The following CDK19 variants were observed in gnomAD, a reference collection of about 807,000 sequenced individuals.
CDK19 encodes the protein cyclin dependent kinase 19.
CDK19 carries 20 observed loss-of-function variants against 68.3 expected under a neutral mutation model. That is an observed-to-expected ratio of 0.29 (90% CI 0.21 to 0.43). The LOEUF (loss-of-function observed/expected upper bound fraction) is 0.43. Ranked by LOEUF, CDK19 falls within the 20% of genes least tolerant of loss-of-function variation. The pLI is 1.00. For missense variants in CDK19, 339 were observed against 623.5 expected, an observed-to-expected ratio of 0.54 and a Z score of 4.86; for synonymous variants, 221 against 222.8, an observed-to-expected ratio of 0.99 and a Z score of 0.07.
chr6:110,803,959 C>T (rs1408778679), intron 1 of CDK19, among the ~76,000 whole-genome samples: 1 of 151,986 alleles, frequency 6.6e-6, no homozygotes, highest in East Asian at 1.9e-4. Context: ...GAGCAAGACC[C>T]TGTCTCAAGA....
chr6:110,758,312 G>A (rs1778969331), intron 1 of CDK19, among the ~76,000 whole-genome samples: 1 of 152,176 alleles, frequency 6.6e-6, no homozygotes, highest in Non-Finnish European at 1.5e-5. Context: ...AAATGTAGAA[G>A]CAAGGTCAAA....
intron 4 of CDK19, among the ~76,000 whole-genome samples, chr6:110,640,997 A>G (rs78869980): frequency 0.028 from 4,264 of 152,140 alleles, 84 homozygotes; most frequent in South Asian, 0.083. Context: ...AGAAATGTGA[A>G]ATGCCTAAGT....
chr6:110,799,921 C>G (rs972618956), intron 1 of CDK19, among the ~76,000 whole-genome samples: 1 of 152,156 alleles, frequency 6.6e-6, no homozygotes, highest in Non-Finnish European at 1.5e-5. Context: ...TTTCAACACA[C>G]AGTTGATTGA....
intron 2 of CDK19, among the ~76,000 whole-genome samples, chr6:110,744,676 A>T (rs1343411111): frequency 6.6e-6 from 1 of 152,256 alleles, no homozygotes; most frequent in African/African-American, 2.4e-5. Context: ...GGAACTAGAG[A>T]TAAAAAGACA....
intron 2 of CDK19, among the ~76,000 whole-genome samples, chr6:110,739,790 C>A (rs1777514840): frequency 1.4e-5 from 2 of 147,234 alleles, no homozygotes; most frequent in Admixed American, 1.3e-4. Flanking sequence ...GCCACTATGC[C>A]CAGCTAATTA....
At chr6:110,663,824 C>A (rs2114382958) in intron 4 of CDK19, among the ~76,000 whole-genome samples, 1 of 152,268 alleles carries the variant, frequency 6.6e-6, no homozygotes, top group Non-Finnish European at 1.5e-5. Flanking sequence ...AGCCACCATG[C>A]CCAGTCAGTT....
chr6:110,791,170 C>CAA (rs200651226), intron 1 of CDK19, among the ~76,000 whole-genome samples: 14 of 116,140 alleles, frequency 1.2e-4, no homozygotes, highest in South Asian at 7.5e-4. Context: ...GACTCCGTCT[C>CAA]AAAAAAAAAA....
At chr6:110,616,583 G>A (rs534606901) in intron 12 of CDK19, among the ~76,000 whole-genome samples, 3 of 151,764 alleles carry the variant, frequency 2.0e-5, no homozygotes, top group East Asian at 1.9e-4. Flanking sequence ...CAGGAGAATC[G>A]CTTGAACCCA....
Position 110,670,547 on chromosome 6 carries a change from T to A in CDK19, c.205-6A>T. Reference sequence around the variant, plus strand: ...TGCTTCAATTCTCGCAAAAGCTGAATGCAAAAGAAAGAGAGGGGTCACTGT... The same window carrying A: ...TGCTTCAATTCTCGCAAAAGCTGAAAGCAAAAGAAAGAGAGGGGTCACTGT... On this transcript the variant is annotated splice_polypyrimidine_tract_variant and splice_region_variant and intron_variant, in intron 2 of 12. Coordinates refer to ENST00000368911, the MANE Select transcript of CDK19 (RefSeq NM_015076.5). The A allele has an allele frequency of 6.4e-7, 1 of 1,564,938 alleles. No individual in the cohort carries two copies. Among genetic ancestry groups the A allele is most frequent in the Middle Eastern group, 1.7e-4 (1 of 5,994 alleles).
chr6:110,636,841 G>A (rs1779807864), intron 5 of CDK19, among the ~76,000 whole-genome samples: 1 of 152,224 alleles, frequency 6.6e-6, no homozygotes, highest in Non-Finnish European at 1.5e-5. Flanking sequence ...ACTTGAGAAG[G>A]GGAAATAGCA....
intron 1 of CDK19, among the ~76,000 whole-genome samples, chr6:110,776,336 G>A (rs1780390976): frequency 2.0e-5 from 3 of 152,070 alleles, no homozygotes; most frequent in Admixed American, 6.6e-5. Flanking sequence ...GGCTGAGGCA[G>A]GAGAATCGCT....
At chr6:110,786,736 T>C (rs1045107727) in intron 1 of CDK19, among the ~76,000 whole-genome samples, 1 of 152,050 alleles carries the variant, frequency 6.6e-6, no homozygotes, top group African/African-American at 2.4e-5. Context: ...CATTGTCTAA[T>C]ACCAAAAGAA....
chr6:110,647,455 C>T (rs1054448185), intron 4 of CDK19, among the ~76,000 whole-genome samples: 7 of 151,930 alleles, frequency 4.6e-5, no homozygotes, highest in Admixed American at 6.5e-5. Context: ...GCCTTTGGGA[C>T]GACTGGAGCA....
At chr6:110,693,212 T>C (rs1418002762) in intron 2 of CDK19, among the ~76,000 whole-genome samples, 2 of 152,102 alleles carry the variant, frequency 1.3e-5, no homozygotes, top group African/African-American at 4.8e-5. Context: ...CCAGGAAAAC[T>C]GAAAGAATTC....
intron 1 of CDK19, among the ~76,000 whole-genome samples, chr6:110,780,752 G>C (rs541569963): frequency 2.4e-4 from 37 of 152,142 alleles, no homozygotes; most frequent in African/African-American, 8.9e-4. Context: ...CTTGAAAGAA[G>C]AATGTTCCAA....
rs151245594 is a variant in CDK19 at position 110,633,720 on chromosome 6, A to C, written c.515-1559T>G. Among the ~76,000 whole-genome samples, 14 of 152,358 alleles carry C rather than the reference A, an allele frequency of 9.2e-5. 1 individual carries two copies. The East Asian group carries it at 2.7e-3, about 29-fold the overall frequency. On this transcript the variant is annotated intron_variant, in intron 5 of 12. Coordinates refer to ENST00000368911, the MANE Select transcript of CDK19 (RefSeq NM_015076.5). ...ATCTACAAAGTCCTTTGCAGTTTAC[A>C]AATGGCTTTCATATACATCATATTT...
At chr6:110,648,470 CTAAGAATAAA>C (rs1351404257) in intron 4 of CDK19, among the ~76,000 whole-genome samples, 1 of 151,348 alleles carries the variant, frequency 6.6e-6, no homozygotes, top group African/African-American at 2.4e-5. Flanking sequence ...CATACAATGC[CTAAGAATAAA>C]TATATCAAAG....
In CDK19 at chr6:110,610,948, G is replaced by C. The variant is rs938272454; in HGVS notation, c.*3587C>G. On this transcript the variant is annotated 3_prime_UTR_variant, in exon 13 of 13. Coordinates refer to ENST00000368911, the MANE Select transcript of CDK19 (RefSeq NM_015076.5). ...CACCAGGAATGAGGCAGCACACATA[G>C]GTAAATGTCATCCCTTTCCATTCTT... 6.6e-6 allele frequency: 1 copy of C among 152,124 alleles called. No homozygotes were observed. The highest frequency in any genetic ancestry group is 1.5e-5 in the Non-Finnish European group (1 of 68,036). 9.4% of individuals were successfully genotyped at this position (152,124 alleles called of 1,614,324 possible). A position where few individuals can be genotyped will look rare whatever the true frequency, so the allele number is the denominator to read the frequency against.
At chr6:110,687,218 G>A (rs1341592006) in intron 2 of CDK19, among the ~76,000 whole-genome samples, 2 of 152,154 alleles carry the variant, frequency 1.3e-5, no homozygotes, top group Non-Finnish European at 2.9e-5. Context: ...AACACATGTT[G>A]AAAGTTCCAC....
Sources: allele counts gnomAD v4.1 joint callset (sites outside exome capture counted in the v4.1 genomes callset), GRCh38; gene constraint gnomAD v4.1.1; transcripts MANE v1.5; gene names NCBI Gene and HGNC (gene_info 2026-07-23, HGNC 2026-07-21).